The following KCNN2 variants were observed in gnomAD, a reference collection of about 807,000 sequenced individuals.
KCNN2 encodes the protein potassium calcium-activated channel subfamily N member 2, also known as small conductance calcium-activated potassium channel protein 2.
A neutral mutation model predicts 55.5 loss-of-function variants in KCNN2; 24 were observed. That is an observed-to-expected ratio of 0.43 (90% CI 0.31 to 0.61). The LOEUF is 0.61. KCNN2 is among the 20% of genes least tolerant of loss of function. KCNN2 has a pLI of 0.08. For missense variants in KCNN2, 754 were observed against 853.6 expected, an observed-to-expected ratio of 0.88 and a Z score of 1.45; for synonymous variants, 431 against 336.1, an observed-to-expected ratio of 1.28 and a Z score of -3.09.
At chr5:114,162,985 G>A (rs1395757162) in intron 1 of KCNN2, among the ~76,000 whole-genome samples, 3 of 152,074 alleles carry the variant, frequency 2.0e-5, no homozygotes, top group Non-Finnish European at 2.9e-5. Flanking sequence ...TTCGGCTCAT[G>A]CACGGTGCAC....
At chr5:114,292,260 C>A (rs1434148398) in intron 2 of KCNN2, among the ~76,000 whole-genome samples, 1 of 152,158 alleles carries the variant, frequency 6.6e-6, no homozygotes, top group African/African-American at 2.4e-5. Flanking sequence ...ACATGAAGTC[C>A]TTGTCCATGC....
intron 2 of KCNN2, among the ~76,000 whole-genome samples, chr5:114,317,416 C>G (rs1756522110): frequency 6.6e-6 from 1 of 152,146 alleles, no homozygotes; most frequent in African/African-American, 2.4e-5. Context: ...GCTTCTTAAT[C>G]AAAATATCTG....
At chr5:114,232,646 C>CT (rs1278921472) in intron 2 of KCNN2, among the ~76,000 whole-genome samples, 2 of 150,874 alleles carry the variant, frequency 1.3e-5, no homozygotes, top group Non-Finnish European at 2.9e-5. Flanking sequence ...TTTTTTTAAA[C>CT]TTTTAAATAA....
chr5:114,262,444 C>T (rs1344741077), intron 2 of KCNN2, among the ~76,000 whole-genome samples: 1 of 152,076 alleles, frequency 6.6e-6, no homozygotes, highest in Admixed American at 6.6e-5. Flanking sequence ...GCCTTACGAA[C>T]CTTTTTCAAG....
chr5:114,192,677 A>G (rs1753475095), intron 1 of KCNN2, among the ~76,000 whole-genome samples: 1 of 152,152 alleles, frequency 6.6e-6, no homozygotes, highest in South Asian at 2.1e-4. Flanking sequence ...CGACCTGGAA[A>G]TAATCTTTGT....
intron 2 of KCNN2, among the ~76,000 whole-genome samples, chr5:114,292,391 G>GT (rs1280446674): frequency 6.6e-6 from 1 of 152,168 alleles, no homozygotes; most frequent in Non-Finnish European, 1.5e-5. Context: ...AAGGGATCCA[G>GT]TTTCAGCTTT....
At chr5:114,253,455 T>C (rs1469437246) in intron 2 of KCNN2, 1 of 152,212 alleles carries the variant, frequency 6.6e-6, no homozygotes, top group Non-Finnish European at 1.5e-5. Flanking sequence ...GTACTAACAA[T>C]GCTATTTTCC....
At chr5:114,163,927 CT>C (rs35432162) in intron 1 of KCNN2, among the ~76,000 whole-genome samples, 124,529 of 151,932 alleles carry the variant, frequency 0.82, 52,011 homozygotes, top group East Asian at 0.94. Flanking sequence ...TATTTTCTGC[CT>C]TTTTTTTAAG....
At chr5:114,092,300 T>G (rs1380038025) in intron 1 of KCNN2, among the ~76,000 whole-genome samples, 2 of 152,262 alleles carry the variant, frequency 1.3e-5, no homozygotes, top group African/African-American at 4.8e-5. Context: ...TTTGACTCCA[T>G]GTCTCACATC....
chr5:114,106,710 T>G (rs1387523964), intron 1 of KCNN2, among the ~76,000 whole-genome samples: 2 of 148,858 alleles, frequency 1.3e-5, no homozygotes, highest in Non-Finnish European at 3.0e-5. Context: ...TGCTGCATAC[T>G]TTTACTCATT....
At chr5:114,297,745 A>G (rs1276256473) in intron 2 of KCNN2, among the ~76,000 whole-genome samples, 4 of 152,202 alleles carry the variant, frequency 2.6e-5, no homozygotes, top group African/African-American at 9.6e-5. Context: ...AGGATATAAT[A>G]TTGATTTAGA....
chr5:114,291,302 T>C (rs561484230), intron 2 of KCNN2, among the ~76,000 whole-genome samples: 7 of 152,178 alleles, frequency 4.6e-5, no homozygotes, highest in African/African-American at 1.7e-4. Flanking sequence ...ACTCATCATT[T>C]AGCATTAGGT....
intron 2 of KCNN2, among the ~76,000 whole-genome samples, chr5:114,355,197 T>C (rs1318416702): frequency 6.6e-6 from 1 of 152,068 alleles, no homozygotes; most frequent in Non-Finnish European, 1.5e-5. Context: ...CGAAGAGTAG[T>C]AGATTTTCTG....
intron 2 of KCNN2, among the ~76,000 whole-genome samples, chr5:114,297,952 T>C (rs1335285853): frequency 6.6e-6 from 1 of 152,120 alleles, no homozygotes; most frequent in Non-Finnish European, 1.5e-5. Flanking sequence ...TGATATTCCA[T>C]TCCCTGAAAG....
At chr5:114,260,828 A>G (rs992271353) in intron 2 of KCNN2, among the ~76,000 whole-genome samples, 1 of 152,180 alleles carries the variant, frequency 6.6e-6, no homozygotes, top group African/African-American at 2.4e-5. Flanking sequence ...CATATGTAAA[A>G]TGGGCAGTGC....
chr5:114,425,463 A>G (rs1375878750), intron 3 of KCNN2, among the ~76,000 whole-genome samples: 2 of 152,178 alleles, frequency 1.3e-5, no homozygotes, highest in Non-Finnish European at 1.5e-5. Flanking sequence ...CTTAGTTTAC[A>G]TGGTCCATAG....
chr5:114,270,860 A>G (rs1357318798), intron 2 of KCNN2, among the ~76,000 whole-genome samples: 2 of 152,108 alleles, frequency 1.3e-5, no homozygotes, highest in Non-Finnish European at 1.5e-5. Flanking sequence ...AGATGTTCAG[A>G]TGTGTCCACA....
intron 1 of KCNN2, among the ~76,000 whole-genome samples, chr5:114,061,138 A>C (rs1750319738): frequency 1.3e-5 from 2 of 152,190 alleles, no homozygotes. Flanking sequence ...TACTATGCAA[A>C]TGGGGATGCA....
At chr5:114,177,260 C>T (rs1753152644) in intron 1 of KCNN2, among the ~76,000 whole-genome samples, 1 of 151,852 alleles carries the variant, frequency 6.6e-6, no homozygotes, top group Non-Finnish European at 1.5e-5. Context: ...GCCTCAGCCT[C>T]CTGAGTAGCT....
Sources: gnomAD v4.1 joint callset for allele counts (sites outside exome capture counted in the v4.1 genomes callset) on GRCh38, gnomAD v4.1.1 for gene constraint, MANE v1.5 for transcripts, NCBI Gene and HGNC (gene_info 2026-07-23, HGNC 2026-07-21) for gene names.